Variants in RXRA observed in about 807,000 individuals in gnomAD.
The protein encoded by RXRA is retinoic acid receptor RXR-alpha.
In RXRA, 5 loss-of-function variants were observed where a neutral mutation model predicts 44.5. The ratio of observed to expected loss-of-function variants is 0.11; its 90% CI spans 0.06 to 0.24. The LOEUF (loss-of-function observed/expected upper bound fraction) is 0.24. RXRA is among the 10% of genes least tolerant of loss of function. RXRA has a pLI of 1.00. For missense variants in RXRA, 412 were observed against 646.5 expected, an observed-to-expected ratio of 0.64 and a Z score of 3.93; for synonymous variants, 291 against 271.4, an observed-to-expected ratio of 1.07 and a Z score of -0.71.
Position 134,326,508 on chromosome 9 carries a change from G to GCGCCGCCGCCGC in RXRA, c.-122_-111dup, listed in dbSNP as rs1406940330. The GCGCCGCCGCCGC allele has an allele frequency of 7.0e-6, 1 of 142,452 alleles. No individual in the cohort carries two copies. The highest frequency in any genetic ancestry group is 1.5e-5 in the Non-Finnish European group (1 of 65,000). 8.8% of individuals were successfully genotyped at this position (142,452 alleles called of 1,614,324 possible). ...CAACTCGCCGCGCCGCGGCCTCCGC[G>GCGCCGCCGCCGC]CGCCGCCGCCGCCACCGCAGCCGCC... is the stretch of plus-strand genomic sequence containing the variant. On this transcript the variant is annotated 5_prime_UTR_variant, in exon 1 of 10. Transcript: ENST00000481739.
At chr9:134,378,769 C>T (rs576264407) in intron 1 of RXRA, among the ~76,000 whole-genome samples, 63 of 152,264 alleles carry the variant, frequency 4.1e-4, no homozygotes, top group African/African-American at 1.4e-3. Flanking sequence ...AGGGAGGCTG[C>T]CCCCGCAGAC....
chr9:134,379,284 T>C, intron 1 of RXRA: 4 of 986,498 alleles, frequency 4.1e-6, no homozygotes, highest in Non-Finnish European at 4.8e-6. Flanking sequence ...GCAACAGCTG[T>C]TGCCGAGGGC....
At chr9:134,399,142 C>T (rs71505297) in intron 1 of RXRA, among the ~76,000 whole-genome samples, 14,651 of 152,302 alleles carry the variant, frequency 0.096, 782 homozygotes, top group Middle Eastern at 0.13. Flanking sequence ...AAGGAAGAAG[C>T]TGGCTCAGGT....
In RXRA at chr9:134,373,694, G is replaced by A. The variant is rs185065072; in HGVS notation, c.29-27938G>A. On this transcript the variant is annotated intron_variant, in intron 1 of 9. Coordinates refer to ENST00000481739, the MANE Select transcript of RXRA (RefSeq NM_002957.6). ...GGTTGTAGCTGGAGGGAGGTGAGTG[G>A]CACCTCCCACAGGAAGCCCCCCTTG... 7.9e-5 allele frequency among the ~76,000 whole-genome samples: 12 copies of A among 152,278 alleles called. No individual in the cohort carries two copies. In the East Asian group the frequency reaches 1.5e-3, roughly 20 times the overall value.
chr9:134,373,409 C>T (rs1053735909), intron 1 of RXRA, among the ~76,000 whole-genome samples: 3 of 152,342 alleles, frequency 2.0e-5, no homozygotes, highest in East Asian at 1.9e-4. Context: ...CAGCCCTTCT[C>T]GTGTGTGGTC....
chr9:134,420,121 C>T (rs1407576502), intron 5 of RXRA, among the ~76,000 whole-genome samples: 2 of 152,214 alleles, frequency 1.3e-5, no homozygotes, highest in African/African-American at 4.8e-5. Flanking sequence ...ACAAGGATCC[C>T]CAGCAGAGCC....
At chr9:134,336,525 G>A (rs1186509024) in intron 1 of RXRA, among the ~76,000 whole-genome samples, 2 of 152,212 alleles carry the variant, frequency 1.3e-5, no homozygotes, top group Non-Finnish European at 2.9e-5. Flanking sequence ...GTCCACGGCT[G>A]GAAGTGTGCC....
chr9:134,350,918 T>C (rs62576320), intron 1 of RXRA, among the ~76,000 whole-genome samples: 48,945 of 152,176 alleles, frequency 0.32, 9,445 homozygotes, highest in African/African-American at 0.54. Flanking sequence ...GCACCTCGGC[T>C]GTGTGATGGT....
chr9:134,348,779 C>T (rs578187673), intron 1 of RXRA, among the ~76,000 whole-genome samples: 8 of 141,186 alleles, frequency 5.7e-5, no homozygotes, highest in South Asian at 4.4e-4. Context: ...ATGCAGGATT[C>T]GGTGGTCAGA....
At chr9:134,373,348 C>G (rs932775418) in intron 1 of RXRA, among the ~76,000 whole-genome samples, 1 of 152,144 alleles carries the variant, frequency 6.6e-6, no homozygotes, top group Non-Finnish European at 1.5e-5. Context: ...GGTCCACGCC[C>G]GACTGTCTTT....
intron 1 of RXRA, among the ~76,000 whole-genome samples, chr9:134,361,993 G>A (rs1830358027): frequency 6.6e-6 from 1 of 152,198 alleles, no homozygotes; most frequent in Admixed American, 6.5e-5. Flanking sequence ...CTCCCCTCCT[G>A]CTGGGCTTGG....
Position 134,433,708 on chromosome 9 carries a change from T to C in RXRA, c.1136-394T>C, listed in dbSNP as rs1020777397. Among the ~76,000 whole-genome samples the C allele has an allele frequency of 6.6e-6, 1 of 150,890 alleles. No individual in the cohort carries two copies. The highest frequency in any genetic ancestry group is 1.5e-5 in the Non-Finnish European group (1 of 67,706). On this transcript the variant is annotated intron_variant, in intron 8 of 9. Coordinates refer to ENST00000481739, the MANE Select transcript of RXRA (RefSeq NM_002957.6). The surrounding 1 kb of genome is among the most constrained non-coding windows in gnomAD (Gnocchi z 4.2). ...GGGCAGCAGCGCTATCTCCCATCCATGTTATGGGGCTGGGACCCAAGGGCA... is the reference window on the plus strand; with the variant it reads ...GGGCAGCAGCGCTATCTCCCATCCACGTTATGGGGCTGGGACCCAAGGGCA...
chr9:134,359,296 C>T (rs1830320780), intron 1 of RXRA, among the ~76,000 whole-genome samples: 1 of 152,120 alleles, frequency 6.6e-6, no homozygotes, highest in Admixed American at 6.5e-5. Context: ...GGGTGTGCTG[C>T]TGCCGCCGGC....
chr9:134,349,409 G>C lies in RXRA; in HGVS notation c.28+22750G>C, dbSNP rs1318320228. Among the ~76,000 whole-genome samples, 10 of 152,204 alleles carry C rather than the reference G, an allele frequency of 6.6e-5. No homozygotes were observed. The highest frequency in any genetic ancestry group is 1.0e-4 in the Non-Finnish European group (7 of 68,032). On this transcript the variant is annotated intron_variant, in intron 1 of 9. Transcript: ENST00000481739. This position sits in a 1 kb window ranked among gnomAD's most constrained non-coding sequence, Gnocchi z 4.3. ...AGGCCTCTCCACGGGGAGCAGGAGG[G>C]AGGAGAGGGACAGGCTGGTGGGTCG...
chr9:134,345,012 G>A (rs558583687), intron 1 of RXRA, among the ~76,000 whole-genome samples: 1 of 152,294 alleles, frequency 6.6e-6, no homozygotes, highest in African/African-American at 2.4e-5. Context: ...TGGGCCGTGT[G>A]CCTGGGGACA....
chr9:134,328,424 C>T (rs1554746272), intron 1 of RXRA, among the ~76,000 whole-genome samples: 1 of 151,958 alleles, frequency 6.6e-6, no homozygotes, highest in Admixed American at 6.5e-5. Context: ...GAGGAGAGGT[C>T]GTGCCTCCGA....
intron 1 of RXRA, among the ~76,000 whole-genome samples, chr9:134,339,568 GC>G (rs1289981022): frequency 1.4e-5 from 2 of 140,612 alleles, no homozygotes; most frequent in East Asian, 4.4e-4. Context: ...CATACCCATG[GC>G]CTTTTGTGAG....
intron 1 of RXRA, among the ~76,000 whole-genome samples, chr9:134,395,976 G>A (rs991540705): frequency 3.3e-5 from 5 of 152,148 alleles, no homozygotes; most frequent in East Asian, 3.9e-4. Context: ...TGACAGGCCC[G>A]AGTCTTTGCC....
intron 1 of RXRA, among the ~76,000 whole-genome samples, chr9:134,329,595 C>T (rs1461248530): frequency 1.3e-5 from 2 of 151,954 alleles, no homozygotes; most frequent in African/African-American, 4.8e-5. Context: ...GGGGCGGGTG[C>T]TCTGAGTCCC....
Sources: allele counts gnomAD v4.1 joint callset (sites outside exome capture counted in the v4.1 genomes callset), GRCh38; gene constraint gnomAD v4.1.1; non-coding constraint Gnocchi (gnomAD v3.1); transcripts MANE v1.5; gene names NCBI Gene and HGNC (gene_info 2026-07-23, HGNC 2026-07-21).